The following EEF2K variants were observed in gnomAD, a reference collection of about 807,000 sequenced individuals.
EEF2K encodes eukaryotic elongation factor 2 kinase.
In EEF2K, 70 loss-of-function variants were observed where a neutral mutation model predicts 93.8. The ratio of observed to expected loss-of-function variants is 0.75; its 90% CI spans 0.62 to 0.91. The LOEUF (loss-of-function observed/expected upper bound fraction) is 0.91, where lower values mean the gene tolerates loss of function less well. EEF2K is among the 40% of genes least tolerant of loss of function. EEF2K has a pLI of 0.00. For missense variants in EEF2K, 935 were observed against 972.9 expected, an observed-to-expected ratio of 0.96 and a Z score of 0.52; for synonymous variants, 376 against 380.8, an observed-to-expected ratio of 0.99 and a Z score of 0.15.
chr16:22,266,261 CTT>C, intron 13 of EEF2K, 127 bp from the exon 14 acceptor site: 2 of 1,313,794 alleles, frequency 1.5e-6, no homozygotes, highest in Non-Finnish European at 1.0e-6. Flanking sequence ...TGCCAATAAA[CTT>C]TGACATCGTG....
chr16:22,248,690 T>C, intron 3 of EEF2K, 65 bp from the exon 4 acceptor site: 1 of 1,598,212 alleles, frequency 6.3e-7, no homozygotes, highest in Non-Finnish European at 8.6e-7. Context: ...GTCTTTGACC[T>C]TTAGCCAGTG....
Position 22,256,766 on chromosome 16 carries a change from T to A in EEF2K, c.637T>A (p.Cys213Ser). ...PPKQVDIMQM[C>S]IIELKDRPGK... is the part of the protein sequence containing the mutation. ...CCACCAGGTGGACATCATGCAGATG[T>A]GCATCATCGAGCTGAAGGACAGACC... Residue 213 changes from cysteine to serine, a missense_variant, in exon 7 of 18, where the codon TGC becomes AGC. Transcript: ENST00000263026. 6.2e-7 allele frequency: 1 copy of A among 1,613,946 alleles called. No individual in the cohort carries two copies. The highest frequency in any genetic ancestry group is 8.5e-7 in the Non-Finnish European group (1 of 1,179,958).
At chr16:22,272,634 G>A (rs1431775053) in intron 15 of EEF2K, among the ~76,000 whole-genome samples, 1 of 151,554 alleles carries the variant, frequency 6.6e-6, no homozygotes, top group Non-Finnish European at 1.5e-5. Context: ...TGGCCATACT[G>A]TTCTGTGAAT....
chr16:22,270,050 C>T (rs1402063098), intron 15 of EEF2K, among the ~76,000 whole-genome samples: 14 of 151,060 alleles, frequency 9.3e-5, no homozygotes, highest in Admixed American at 6.0e-4. Context: ...CTCCACCACC[C>T]GGTTCAAGCA....
At chr16:22,283,660 C>T (rs1291095151) in intron 17 of EEF2K, among the ~76,000 whole-genome samples, 5 of 152,146 alleles carry the variant, frequency 3.3e-5, no homozygotes, top group East Asian at 3.9e-4. Context: ...CTGGACCAAT[C>T]GCTGTAGCTT....
At chr16:22,247,194 A>G in intron 3 of EEF2K, among the ~76,000 whole-genome samples, 1 of 151,810 alleles carries the variant, frequency 6.6e-6, no homozygotes, top group Non-Finnish European at 1.5e-5. Context: ...TAATCCCAGC[A>G]CTTTGGGAGG....
Position 22,263,091 on chromosome 16 carries a change from G to A in EEF2K, c.1300-19G>A. Reference sequence around the variant, plus strand: ...GCTCAGGGGACCACCAGGACCCTAAGGCCGTCTTCTCTCCACAGGAGTCTG... The same window carrying A: ...GCTCAGGGGACCACCAGGACCCTAAAGCCGTCTTCTCTCCACAGGAGTCTG... On this transcript the variant is annotated intron_variant, in intron 11 of 17. Transcript: ENST00000263026. The A allele has an allele frequency of 1.9e-6, 3 of 1,608,992 alleles. No homozygotes were observed. Among genetic ancestry groups the A allele is most frequent in the South Asian group, 1.1e-5 (1 of 90,486 alleles).
chr16:22,215,044 C>A (rs1030410574), intron 1 of EEF2K, among the ~76,000 whole-genome samples: 3 of 152,086 alleles, frequency 2.0e-5, no homozygotes, highest in Non-Finnish European at 2.9e-5. Context: ...TGGGATCAGT[C>A]TGATAGGTTG....
At chr16:22,274,829 G>C (rs2047619191) in intron 16 of EEF2K, among the ~76,000 whole-genome samples, 1 of 151,812 alleles carries the variant, frequency 6.6e-6, no homozygotes, top group South Asian at 2.1e-4. Flanking sequence ...GACTGGTCTC[G>C]AACTCCTGGG....
In EEF2K at chr16:22,261,764, G is replaced by A. The variant is rs971223598; in HGVS notation, c.1299+1235G>A. 2.6e-5 allele frequency among the ~76,000 whole-genome samples: 4 copies of A among 152,108 alleles called. No homozygotes were observed. The East Asian group carries it at 5.8e-4, about 22-fold the overall frequency. On this transcript the variant is annotated intron_variant, in intron 11 of 17. Transcript: ENST00000263026. ...TCACACCTGTAATCCCAGCACTATG[G>A]GAGGCTGAGGCAGGCAGACCACTTG...
intron 15 of EEF2K, among the ~76,000 whole-genome samples, chr16:22,268,788 TC>T (rs903727850): frequency 1.3e-4 from 20 of 151,916 alleles, no homozygotes; most frequent in Non-Finnish European, 2.9e-4. Context: ...AAACCCTATC[TC>T]TACCAAAAAT....
intron 15 of EEF2K, among the ~76,000 whole-genome samples, chr16:22,270,469 C>T (rs1477833765): frequency 1.3e-5 from 2 of 151,954 alleles, no homozygotes; most frequent in African/African-American, 4.8e-5. Context: ...TCATGTTGTT[C>T]TCAAATTTTT....
At chr16:22,273,820 C>T in intron 16 of EEF2K, 70 bp downstream of exon 16, 2 of 1,579,626 alleles carry the variant, frequency 1.3e-6, no homozygotes. Flanking sequence ...TCCTCGGTAT[C>T]AGCACAGGCC....
chr16:22,221,044 G>A (rs2047006909), intron 1 of EEF2K, among the ~76,000 whole-genome samples: 1 of 152,244 alleles, frequency 6.6e-6, no homozygotes, highest in Non-Finnish European at 1.5e-5. Context: ...ATCCAGGCCT[G>A]TGACTGTGTC....
chr16:22,226,325 CTTTTTT>C (rs935058417), intron 2 of EEF2K, among the ~76,000 whole-genome samples: 1 of 63,666 alleles, frequency 1.6e-5, no homozygotes, highest in Admixed American at 1.8e-4. Flanking sequence ...AGGTGCTGTT[CTTTTTT>C]TTTTTTTTTT....
At chr16:22,213,670 T>C (rs2046935510) in intron 1 of EEF2K, among the ~76,000 whole-genome samples, 1 of 152,240 alleles carries the variant, frequency 6.6e-6, no homozygotes, top group Non-Finnish European at 1.5e-5. Flanking sequence ...GCTGTGTTCC[T>C]TCTGGAGGCC....
intron 1 of EEF2K, among the ~76,000 whole-genome samples, chr16:22,224,779 G>A (rs1056219959): frequency 6.6e-6 from 1 of 152,246 alleles, no homozygotes. Context: ...ATGGTGAAAT[G>A]CCATCTCTAC....
intron 6 of EEF2K, 72 bp from the exon 7 acceptor site, chr16:22,256,676 C>T: frequency 1.3e-6 from 2 of 1,533,730 alleles, no homozygotes; most frequent in Non-Finnish European, 1.8e-6. Flanking sequence ...TTCCTCTGAG[C>T]CCTCCCCTTG....
At chr16:22,219,948 G>A (rs1433713551) in intron 1 of EEF2K, among the ~76,000 whole-genome samples, 1 of 152,144 alleles carries the variant, frequency 6.6e-6, no homozygotes, top group African/African-American at 2.4e-5. Context: ...GAGCCAAGGG[G>A]CACACTCCCT....
Sources: allele counts gnomAD v4.1 joint callset (sites outside exome capture counted in the v4.1 genomes callset), GRCh38; gene constraint gnomAD v4.1.1; transcripts MANE v1.5; gene names NCBI Gene and HGNC (gene_info 2026-07-23, HGNC 2026-07-21).